Variants in VIPR2 observed in about 807,000 individuals in gnomAD.
VIPR2 encodes the protein vasoactive intestinal polypeptide receptor 2.
VIPR2 carries 48 observed loss-of-function variants against 58.0 expected under a neutral mutation model. The observed-to-expected ratio is 0.83, with a 90% CI of 0.66 to 1.05. The LOEUF (loss-of-function observed/expected upper bound fraction) is 1.05. Ranked by LOEUF, VIPR2 falls within the 50% of genes least tolerant of loss-of-function variation. The probability of loss-of-function intolerance (pLI) is 0.00; values close to 1 mark genes in which losing one functional copy is unlikely to be tolerated. For missense variants in VIPR2, 534 were observed against 558.0 expected (o/e 0.96, Z 0.43); for synonymous variants, 243 against 235.2 (o/e 1.03, Z -0.30).
Position 159,144,234 on chromosome 7 carries a change from G to A in VIPR2, c.51+487C>T, listed in dbSNP as rs554824551. On this transcript the variant is annotated intron_variant, in intron 1 of 12. Coordinates refer to ENST00000262178, the MANE Select transcript of VIPR2 (RefSeq NM_003382.5). ...GTTCCTCCAGTGCCCTTGGGAAAAA[G>A]CAACTATTTCCAAAAGGAAACTTTA... is the stretch of plus-strand genomic sequence containing the variant. 88 of 1,316,872 alleles carry A rather than the reference G, an allele frequency of 6.7e-5. 1 individual carries two copies. In the South Asian group the frequency reaches 1.9e-3, roughly 28 times the overall value. The allele number at this position is 1,316,872 out of a possible 1,614,324, so 81.6% of individuals were successfully genotyped here. A position where few individuals can be genotyped will look rare whatever the true frequency, so the allele number is the denominator to read the frequency against.
At chr7:159,080,983 A>G (rs1856872568) in intron 4 of VIPR2, among the ~76,000 whole-genome samples, 2 of 152,150 alleles carry the variant, frequency 1.3e-5, no homozygotes, top group South Asian at 2.1e-4. Context: ...CAAACAAATG[A>G]AAGAACATTC....
chr7:159,075,974 C>G (rs756881147), intron 4 of VIPR2, among the ~76,000 whole-genome samples: 2 of 152,224 alleles, frequency 1.3e-5, no homozygotes, highest in Non-Finnish European at 2.9e-5. Context: ...ATCTCCACAC[C>G]CTTTGTGTTG....
intron 5 of VIPR2, among the ~76,000 whole-genome samples, chr7:159,050,357 A>C (rs1321982366): frequency 2.0e-5 from 3 of 149,084 alleles, no homozygotes; most frequent in Non-Finnish European, 4.5e-5. Context: ...AAAAAAACAA[A>C]AAAAAAAACA....
At chr7:159,142,196 T>C (rs1797497988) in intron 2 of VIPR2, among the ~76,000 whole-genome samples, 1 of 152,240 alleles carries the variant, frequency 6.6e-6, no homozygotes, top group Non-Finnish European at 1.5e-5. Flanking sequence ...ACTGTTGCTA[T>C]CATCTCAAAC....
intron 6 of VIPR2, 51 bp from the exon 7 acceptor site, chr7:159,036,953 C>T (rs1284201282): frequency 6.4e-7 from 1 of 1,574,538 alleles, no homozygotes. Flanking sequence ...CCGGTAACAG[C>T]AGCTACCAGC....
chr7:159,050,895 GC>G (rs1406078330), intron 5 of VIPR2, among the ~76,000 whole-genome samples: 2 of 152,200 alleles, frequency 1.3e-5, no homozygotes, highest in Admixed American at 1.3e-4. Context: ...AAGACACACT[GC>G]CTCAAAGGAA....
At chr7:159,088,154 T>C (rs1857288007) in intron 4 of VIPR2, among the ~76,000 whole-genome samples, 1 of 152,198 alleles carries the variant, frequency 6.6e-6, no homozygotes, top group African/African-American at 2.4e-5. Flanking sequence ...CTCTACCTAC[T>C]AGAGCACAGC....
intron 3 of VIPR2, among the ~76,000 whole-genome samples, chr7:159,107,708 G>T (rs1374686038): frequency 6.6e-6 from 1 of 152,114 alleles, no homozygotes; most frequent in Non-Finnish European, 1.5e-5. Flanking sequence ...TGCAGGGCAG[G>T]GTTAGGACCC....
chr7:159,130,110 T>A (rs1418691587), intron 2 of VIPR2, among the ~76,000 whole-genome samples: 1 of 152,192 alleles, frequency 6.6e-6, no homozygotes, highest in African/African-American at 2.4e-5. Context: ...TTCACAAAAA[T>A]TATAACAGTG....
In VIPR2 at chr7:159,130,696, A is replaced by G. The variant is rs116272326; in HGVS notation, c.151+11750T>C. The stretch of plus-strand genomic sequence containing the variant: ...TTTGAGTAACAACTCGGTCTCCCAC[A>G]TGGCGTGGCCGGCATCACGTCAATT... On this transcript the variant is annotated intron_variant, in intron 2 of 12. Transcript: ENST00000262178. 8.1e-3 allele frequency among the ~76,000 whole-genome samples: 1,239 copies of G among 152,332 alleles called. 19 individuals carry two copies. The highest frequency in any genetic ancestry group is 0.028 in the African/African-American group (1,175 of 41,574).
chr7:159,118,007 T>C (rs1424917955), intron 2 of VIPR2, among the ~76,000 whole-genome samples: 2 of 152,182 alleles, frequency 1.3e-5, no homozygotes, highest in Non-Finnish European at 2.9e-5. Flanking sequence ...ACAACAAAGC[T>C]TCCTCCAGAA....
intron 2 of VIPR2, among the ~76,000 whole-genome samples, chr7:159,131,976 T>C (rs1796931340): frequency 6.6e-6 from 1 of 152,272 alleles, no homozygotes; most frequent in Non-Finnish European, 1.5e-5. Flanking sequence ...ACGAGGGACT[T>C]TCCAATGGGA....
At chr7:159,125,610 T>C (rs563574518) in intron 2 of VIPR2, among the ~76,000 whole-genome samples, 1 of 152,358 alleles carries the variant, frequency 6.6e-6, no homozygotes, top group Admixed American at 6.5e-5. Flanking sequence ...TTGTGATTTC[T>C]ACCCCCAGCC....
At chr7:159,136,680 A>G (rs1226636436) in intron 2 of VIPR2, among the ~76,000 whole-genome samples, 1 of 152,186 alleles carries the variant, frequency 6.6e-6, no homozygotes, top group Non-Finnish European at 1.5e-5. Flanking sequence ...GCGTCAACAC[A>G]GTCCTTGTGG....
At chr7:159,030,981 A>C (rs1022763003) in intron 12 of VIPR2, among the ~76,000 whole-genome samples, 192 bp from the exon 13 acceptor site, 6 of 152,180 alleles carry the variant, frequency 3.9e-5, no homozygotes, top group Admixed American at 6.5e-5. Context: ...CGGCCACAGG[A>C]GGGCGGGGGA....
At position 159,078,833 on chromosome 7, in the gene VIPR2, G is replaced by A. The variant is rs114048456; in HGVS notation, c.358-20255C>T. Among the ~76,000 whole-genome samples, 561 of 152,306 alleles carry A rather than the reference G, an allele frequency of 3.7e-3. 3 individuals are homozygous for A. The highest frequency in any genetic ancestry group is 0.013 in the African/African-American group (524 of 41,576). Reference sequence around the variant, plus strand: ...GGAAACATACAACCTGAATCAGACTGTGACTCATTTTATCTTTTGAGCTGG... The same window carrying A: ...GGAAACATACAACCTGAATCAGACTATGACTCATTTTATCTTTTGAGCTGG... On this transcript the variant is annotated intron_variant, in intron 4 of 12. Transcript: ENST00000262178.
chr7:159,079,696 T>C (rs1585432967), intron 4 of VIPR2, among the ~76,000 whole-genome samples: 1 of 151,896 alleles, frequency 6.6e-6, no homozygotes, highest in South Asian at 2.1e-4. Context: ...TTTGAAAAGA[T>C]CAACAAAATT....
At chr7:159,068,569 A>G (rs1379187708) in intron 4 of VIPR2, among the ~76,000 whole-genome samples, 2 of 152,248 alleles carry the variant, frequency 1.3e-5, no homozygotes, top group African/African-American at 4.8e-5. Context: ...GTCAGCGCAG[A>G]CAGCCCTGGC....
chr7:159,085,239 AG>A (rs1170138297), intron 4 of VIPR2, among the ~76,000 whole-genome samples: 44 of 152,332 alleles, frequency 2.9e-4, no homozygotes, highest in African/African-American at 1.1e-3. Flanking sequence ...AACCCTGTGA[AG>A]ACACCAGATT....
Sources: allele counts gnomAD v4.1 joint callset (sites outside exome capture counted in the v4.1 genomes callset), GRCh38; gene constraint gnomAD v4.1.1; transcripts MANE v1.5; gene names NCBI Gene and HGNC (gene_info 2026-07-23, HGNC 2026-07-21).